Variants in AGMO observed in about 807,000 individuals in gnomAD.
The protein encoded by AGMO is alkylglycerol monooxygenase.
AGMO carries 75 observed loss-of-function variants against 60.2 expected under a neutral mutation model. The ratio of observed to expected loss-of-function variants is 1.25; its 90% CI spans 1.03 to 1.51. AGMO has a LOEUF of 1.51. AGMO is among the 40% of genes most tolerant of loss of function. AGMO has a pLI of 0.00. For synonymous variants in AGMO, 261 were observed against 177.1 expected, an observed-to-expected ratio of 1.47 and a Z score of -3.76; for missense variants, 763 against 525.5, an observed-to-expected ratio of 1.45 and a Z score of -4.42.
intron 10 of AGMO, among the ~76,000 whole-genome samples, chr7:15,380,296 AAAC>A (rs1783625138): frequency 6.6e-6 from 1 of 152,174 alleles, no homozygotes; most frequent in Non-Finnish European, 1.5e-5. Context: ...TTAAGTTGAT[AAAC>A]AACTTCAGCA....
intron 12 of AGMO, among the ~76,000 whole-genome samples, chr7:15,205,844 A>G (rs1781425880): frequency 6.6e-6 from 1 of 152,092 alleles, no homozygotes; most frequent in Admixed American, 6.6e-5. Context: ...CCCTAAATGG[A>G]AGAGTACATT....
intron 10 of AGMO, among the ~76,000 whole-genome samples, chr7:15,368,212 G>A (rs1352604172): frequency 6.6e-6 from 1 of 150,884 alleles, no homozygotes; most frequent in Non-Finnish European, 1.5e-5. Context: ...TCTTAGACCA[G>A]AGCAAGAGAG....
At chr7:15,279,171 T>C (rs1283514397) in intron 12 of AGMO, among the ~76,000 whole-genome samples, 1 of 152,104 alleles carries the variant, frequency 6.6e-6, no homozygotes, top group African/African-American at 2.4e-5. Flanking sequence ...CTCTCCCCCG[T>C]CTAGAATTGT....
chr7:15,343,743 A>T (rs1781938132), intron 12 of AGMO, among the ~76,000 whole-genome samples: 1 of 152,248 alleles, frequency 6.6e-6, no homozygotes, highest in South Asian at 2.1e-4. Context: ...AGCCTCTAAT[A>T]AAATTGTATT....
At chr7:15,461,811 G>A (rs907225465) in intron 3 of AGMO, among the ~76,000 whole-genome samples, 1 of 152,072 alleles carries the variant, frequency 6.6e-6, no homozygotes, top group African/African-American at 2.4e-5. Context: ...AAGAAGTATA[G>A]TGCAAATTCC....
the AGMO span, among the ~76,000 whole-genome samples, chr7:15,117,931 T>C: frequency 1.3e-5 from 2 of 151,944 alleles, no homozygotes; most frequent in Non-Finnish European, 2.9e-5. Flanking sequence ...CTTTTTTAAT[T>C]GAAACTGCGA....
the AGMO span, among the ~76,000 whole-genome samples, chr7:15,161,983 T>C: frequency 2.7e-3 from 408 of 152,238 alleles, 1 homozygote; most frequent in Non-Finnish European, 5.1e-3. Flanking sequence ...CAAATTGTAA[T>C]CCCCACATGT....
chr7:15,227,156 T>C (rs899497123), intron 12 of AGMO, among the ~76,000 whole-genome samples: 2 of 152,074 alleles, frequency 1.3e-5, no homozygotes, highest in Non-Finnish European at 2.9e-5. Context: ...AACTCCTGCA[T>C]ACCAAACTGC....
At chr7:15,281,469 C>T (rs1783962588) in intron 12 of AGMO, among the ~76,000 whole-genome samples, 1 of 152,122 alleles carries the variant, frequency 6.6e-6, no homozygotes, top group Non-Finnish European at 1.5e-5. Flanking sequence ...GGAAAATCAA[C>T]ATTCCTGTAG....
At chr7:15,482,781 C>T (rs1782794890) in intron 3 of AGMO, among the ~76,000 whole-genome samples, 1 of 152,090 alleles carries the variant, frequency 6.6e-6, no homozygotes, top group African/African-American at 2.4e-5. Flanking sequence ...GATAGTATGG[C>T]ATGGGCAATC....
At chr7:15,513,417 T>C (rs904886827) in intron 3 of AGMO, among the ~76,000 whole-genome samples, 3 of 152,194 alleles carry the variant, frequency 2.0e-5, no homozygotes, top group Non-Finnish European at 2.9e-5. Context: ...TTATTTCTTC[T>C]ATTTCCCCAG....
intron 12 of AGMO, among the ~76,000 whole-genome samples, chr7:15,315,200 G>A (rs1780881896): frequency 6.6e-6 from 1 of 151,982 alleles, no homozygotes; most frequent in Middle Eastern, 3.4e-3. Flanking sequence ...ATGAATTTGT[G>A]TTATTGCAAG....
the AGMO span, among the ~76,000 whole-genome samples, chr7:15,129,815 C>T: frequency 6.6e-6 from 1 of 152,104 alleles, no homozygotes; most frequent in African/African-American, 2.4e-5. Flanking sequence ...CAGGCAGATC[C>T]TGCAAATATT....
chr7:15,377,035 G>T (rs1057397847), intron 10 of AGMO, among the ~76,000 whole-genome samples: 3 of 152,000 alleles, frequency 2.0e-5, no homozygotes, highest in Non-Finnish European at 4.4e-5. Context: ...AAGACTGTGG[G>T]ACCACAGCAG....
chr7:15,298,655 G>C (rs544584653), intron 12 of AGMO, among the ~76,000 whole-genome samples: 1 of 152,144 alleles, frequency 6.6e-6, no homozygotes, highest in South Asian at 2.1e-4. Context: ...ACCAGCCTCA[G>C]CCTCCCAAAG....
intron 12 of AGMO, among the ~76,000 whole-genome samples, chr7:15,283,034 A>T (rs1482087276): frequency 6.6e-6 from 1 of 152,156 alleles, no homozygotes; most frequent in East Asian, 1.9e-4. Context: ...AGACAAACAA[A>T]TGCTGAGGAA....
At chr7:15,353,512 G>T (rs1782337545) in intron 12 of AGMO, among the ~76,000 whole-genome samples, 1 of 151,970 alleles carries the variant, frequency 6.6e-6, no homozygotes, top group Admixed American at 6.6e-5. Context: ...AGTAAAACAA[G>T]CACAAAAGCA....
At chr7:15,449,846 T>C (rs748578740) in intron 3 of AGMO, among the ~76,000 whole-genome samples, 3 of 152,152 alleles carry the variant, frequency 2.0e-5, no homozygotes, top group Non-Finnish European at 4.4e-5. Context: ...GTCCACAAAA[T>C]ATGAACAACT....
chr7:15,345,644 T>C (rs1329158769), intron 12 of AGMO, among the ~76,000 whole-genome samples: 2 of 152,234 alleles, frequency 1.3e-5, no homozygotes, highest in Non-Finnish European at 2.9e-5. Context: ...GGTACTGATG[T>C]TGTTGTTAGC....
Sources: gnomAD v4.1 joint callset for allele counts (sites outside exome capture counted in the v4.1 genomes callset) on GRCh38, gnomAD v4.1.1 for gene constraint, MANE v1.5 for transcripts, NCBI Gene and HGNC (gene_info 2026-07-23, HGNC 2026-07-21) for gene names.